ARK2C: variants seen among roughly 807,000 people sequenced by gnomAD.
The protein encoded by ARK2C is E3 ubiquitin-protein ligase ARK2C.
the ARK2C span, among the ~76,000 whole-genome samples, chr18:46,418,909 A>G: frequency 6.6e-6 from 1 of 152,248 alleles, no homozygotes; most frequent in African/African-American, 2.4e-5. Context: ...TTGCAAGTTC[A>G]TCCACACTAG....
the ARK2C span, among the ~76,000 whole-genome samples, chr18:46,368,587 A>T: frequency 6.6e-6 from 1 of 152,206 alleles, no homozygotes; most frequent in Admixed American, 6.5e-5. Context: ...AGGCAATTCA[A>T]TTCTGTTCTT....
At chr18:46,448,693 A>G in the ARK2C span, among the ~76,000 whole-genome samples, 1 of 152,238 alleles carries the variant, frequency 6.6e-6, no homozygotes, top group African/African-American at 2.4e-5. Flanking sequence ...TGCCTTTTTC[A>G]GAGGGCAGGC....
chr18:46,419,688 A>G, the ARK2C span, among the ~76,000 whole-genome samples: 1 of 152,198 alleles, frequency 6.6e-6, no homozygotes, highest in Non-Finnish European at 1.5e-5. Flanking sequence ...GGTGGGAGGC[A>G]GGGCAGTCAC....
chr18:46,451,687 C>T, the ARK2C span, among the ~76,000 whole-genome samples: 17 of 152,100 alleles, frequency 1.1e-4, no homozygotes, highest in Non-Finnish European at 1.5e-4. Flanking sequence ...AACTTGTAGT[C>T]CTAGTTACTA....
the ARK2C span, among the ~76,000 whole-genome samples, chr18:46,373,584 G>T: frequency 6.6e-6 from 1 of 152,196 alleles, no homozygotes; most frequent in Admixed American, 6.5e-5. Context: ...TGGACGCTGA[G>T]GGCTTTATAG....
At chr18:46,392,814 C>T in the ARK2C span, among the ~76,000 whole-genome samples, 1 of 152,186 alleles carries the variant, frequency 6.6e-6, no homozygotes, top group Non-Finnish European at 1.5e-5. Context: ...TGGCACCGCT[C>T]CTGCACCCAG....
chr18:46,403,231 T>A, the ARK2C span, among the ~76,000 whole-genome samples: 1 of 152,182 alleles, frequency 6.6e-6, no homozygotes. Context: ...AAAATGTCCA[T>A]CTCTCCCAGA....
At chr18:46,451,797 C>A in the ARK2C span, among the ~76,000 whole-genome samples, 1 of 152,040 alleles carries the variant, frequency 6.6e-6, no homozygotes, top group African/African-American at 2.4e-5. Context: ...AGAGCAAGAC[C>A]CTGTATCAAA....
At chr18:46,367,490 G>C in the ARK2C span, among the ~76,000 whole-genome samples, 18 of 152,232 alleles carry the variant, frequency 1.2e-4, no homozygotes, top group African/African-American at 3.9e-4. Flanking sequence ...CCAAAGCCTT[G>C]CATTGACATT....
the ARK2C span, among the ~76,000 whole-genome samples, chr18:46,350,254 C>T: frequency 3.0e-4 from 45 of 152,324 alleles, no homozygotes; most frequent in East Asian, 3.3e-3. Flanking sequence ...AGGAAAACAC[C>T]ATGCGTATGC....
At chr18:46,378,983 C>A in the ARK2C span, among the ~76,000 whole-genome samples, 1 of 152,200 alleles carries the variant, frequency 6.6e-6, no homozygotes, top group East Asian at 1.9e-4. Context: ...CTCACTGTCC[C>A]CAGGGCTCAC....
At chr18:46,420,802 A>G in the ARK2C span, among the ~76,000 whole-genome samples, 1 of 151,944 alleles carries the variant, frequency 6.6e-6, no homozygotes, top group Non-Finnish European at 1.5e-5. Context: ...CCTAGATCGC[A>G]TCATTGTACT....
At chr18:46,379,448 C>A in the ARK2C span, among the ~76,000 whole-genome samples, 1 of 152,206 alleles carries the variant, frequency 6.6e-6, no homozygotes, top group Non-Finnish European at 1.5e-5. Flanking sequence ...ACCTTCCCTC[C>A]CCGAGTCCAT....
the ARK2C span, among the ~76,000 whole-genome samples, chr18:46,377,866 G>C: frequency 6.6e-6 from 1 of 152,160 alleles, no homozygotes; most frequent in Non-Finnish European, 1.5e-5. Context: ...AGGTAACCAT[G>C]TCTAGAGCAA....
the ARK2C span, among the ~76,000 whole-genome samples, chr18:46,355,992 C>G: frequency 6.6e-6 from 1 of 152,154 alleles, no homozygotes; most frequent in Admixed American, 6.5e-5. Flanking sequence ...GGCCAAGCCA[C>G]CCGTCTGGTC....
chr18:46,354,851 A>G, the ARK2C span, among the ~76,000 whole-genome samples: 1 of 152,192 alleles, frequency 6.6e-6, no homozygotes, highest in African/African-American at 2.4e-5. Context: ...CTATAAGTAA[A>G]TCTATTGACT....
the ARK2C span, among the ~76,000 whole-genome samples, chr18:46,341,608 G>T: frequency 6.6e-6 from 1 of 152,150 alleles, no homozygotes; most frequent in Admixed American, 6.5e-5. Flanking sequence ...GAGACTTCTA[G>T]TCCTTTACAT....
At chr18:46,361,022 G>GGATTCT in the ARK2C span, among the ~76,000 whole-genome samples, 1 of 152,230 alleles carries the variant, frequency 6.6e-6, no homozygotes, top group African/African-American at 2.4e-5. Context: ...AAGTGGAAAA[G>GGATTCT]GTTTAAGACT....
At chr18:46,383,853 C>T in the ARK2C span, among the ~76,000 whole-genome samples, 1 of 152,146 alleles carries the variant, frequency 6.6e-6, no homozygotes, top group East Asian at 1.9e-4. Flanking sequence ...GCCCGGCCAC[C>T]ATGTTGGTTT....
Sources: allele counts gnomAD v4.1 joint callset (sites outside exome capture counted in the v4.1 genomes callset), GRCh38; gene constraint gnomAD v4.1.1; transcripts MANE v1.5; gene names NCBI Gene and HGNC (gene_info 2026-07-23, HGNC 2026-07-21).